The following BARX2 variants were observed in gnomAD, a reference collection of about 807,000 sequenced individuals.
The protein encoded by BARX2 is homeobox protein BarH-like 2.
In BARX2, 11 loss-of-function variants were observed where a neutral mutation model predicts 25.5. The observed-to-expected ratio is 0.43, with a 90% CI of 0.27 to 0.71. The LOEUF (loss-of-function observed/expected upper bound fraction) is 0.71, where lower values mean the gene tolerates loss of function less well. Ranked by LOEUF, BARX2 falls within the 30% of genes least tolerant of loss-of-function variation. The pLI, the probability that BARX2 is intolerant of heterozygous loss-of-function variation, is 0.19. For synonymous variants in BARX2, 137 were observed against 149.5 expected, an observed-to-expected ratio of 0.92 and a Z score of 0.61; for missense variants, 360 against 359.9, an observed-to-expected ratio of 1.00 and a Z score of 0.00.
chr11:129,420,523 T>C (rs894797025), intron 1 of BARX2, among the ~76,000 whole-genome samples: 6 of 152,202 alleles, frequency 3.9e-5, no homozygotes, highest in Admixed American at 2.6e-4. Context: ...AAAAATAATC[T>C]CTCTTCTGTT....
chr11:129,417,024 C>T (rs1286843282), intron 1 of BARX2, among the ~76,000 whole-genome samples: 2 of 151,958 alleles, frequency 1.3e-5, no homozygotes, highest in East Asian at 1.9e-4. Context: ...GCCTCAGCCT[C>T]CCCAGTAGCT....
chr11:129,396,280 T>C (rs1303457293), intron 1 of BARX2, among the ~76,000 whole-genome samples: 1 of 152,160 alleles, frequency 6.6e-6, no homozygotes, highest in East Asian at 1.9e-4. Context: ...CTTCTCTTAC[T>C]TGATGTAGGT....
chr11:129,380,212 C>T (rs1306802049), intron 1 of BARX2, among the ~76,000 whole-genome samples: 1 of 152,070 alleles, frequency 6.6e-6, no homozygotes, highest in Non-Finnish European at 1.5e-5. Flanking sequence ...ACCCAGGGGA[C>T]AGTCAACCAG....
intron 1 of BARX2, among the ~76,000 whole-genome samples, chr11:129,392,902 C>T (rs533831110): frequency 1.1e-3 from 166 of 152,186 alleles, no homozygotes; most frequent in African/African-American, 3.7e-3. Flanking sequence ...TGAGCCACTG[C>T]GCCCGGCTAA....
intron 1 of BARX2, among the ~76,000 whole-genome samples, chr11:129,384,429 G>C (rs1398522243): frequency 1.3e-5 from 2 of 152,092 alleles, no homozygotes; most frequent in Non-Finnish European, 2.9e-5. Flanking sequence ...TTGATAACCT[G>C]CCAACCTCCA....
intron 1 of BARX2, among the ~76,000 whole-genome samples, chr11:129,432,773 A>C (rs1862143456): frequency 6.6e-6 from 1 of 152,204 alleles, no homozygotes; most frequent in Non-Finnish European, 1.5e-5. Flanking sequence ...CTTTTTAAAA[A>C]ATTTTAAAAA....
Position 129,432,658 on chromosome 11 carries a change from C to T in BARX2, c.188-4093C>T, listed in dbSNP as rs189583384. On this transcript the variant is annotated intron_variant, in intron 1 of 3. Coordinates refer to ENST00000281437, the MANE Select transcript of BARX2 (RefSeq NM_003658.5). Reference sequence around the variant, plus strand: ...GCTTTTAGAAGAAGTTTTAACCACTCCTTGGGATCAAGGGTCAATGAAAGA... The same window carrying T: ...GCTTTTAGAAGAAGTTTTAACCACTTCTTGGGATCAAGGGTCAATGAAAGA... Among the ~76,000 whole-genome samples, 16 of 152,264 alleles carry T rather than the reference C, an allele frequency of 1.1e-4. No homozygotes were observed. In the East Asian group the frequency reaches 2.9e-3, roughly 28 times the overall value.
intron 1 of BARX2, among the ~76,000 whole-genome samples, chr11:129,408,020 C>CA (rs59310534): frequency 0.24 from 11,289 of 46,394 alleles, 2,202 homozygotes; most frequent in East Asian, 0.33. Context: ...GACTCCGTCT[C>CA]AAAAAAAAAA....
intron 1 of BARX2, among the ~76,000 whole-genome samples, chr11:129,427,749 C>T (rs1425706023): frequency 6.6e-6 from 1 of 152,130 alleles, no homozygotes; most frequent in Non-Finnish European, 1.5e-5. Flanking sequence ...GCTGTAGCTG[C>T]GGGGACCTGG....
intron 1 of BARX2, among the ~76,000 whole-genome samples, chr11:129,386,226 T>C (rs1036316861): frequency 2.0e-5 from 3 of 152,236 alleles, no homozygotes; most frequent in African/African-American, 7.2e-5. Context: ...TTCTGCTTCT[T>C]CTTACTGATG....
intron 1 of BARX2, among the ~76,000 whole-genome samples, chr11:129,413,969 G>A (rs1365525380): frequency 6.6e-6 from 1 of 152,024 alleles, no homozygotes; most frequent in Non-Finnish European, 1.5e-5. Flanking sequence ...GGGAGGCTGA[G>A]GCAGGAGAAT....
At chr11:129,399,387 G>GTC (rs148566721) in intron 1 of BARX2, among the ~76,000 whole-genome samples, 30 of 151,502 alleles carry the variant, frequency 2.0e-4, no homozygotes, top group African/African-American at 6.0e-4. Context: ...CTACCTCTCT[G>GTC]TCTCTCTCTC....
intron 1 of BARX2, among the ~76,000 whole-genome samples, chr11:129,387,013 G>A (rs901393775): frequency 2.0e-5 from 3 of 152,224 alleles, no homozygotes; most frequent in Admixed American, 6.5e-5. Flanking sequence ...CAAACTGGAC[G>A]TGATGGAAAG....
At chr11:129,381,885 C>T (rs1174484651) in intron 1 of BARX2, among the ~76,000 whole-genome samples, 1 of 152,138 alleles carries the variant, frequency 6.6e-6, no homozygotes, top group Non-Finnish European at 1.5e-5. Context: ...CACAGCATTC[C>T]TCCGAAGGGC....
intron 1 of BARX2, among the ~76,000 whole-genome samples, chr11:129,410,516 T>G (rs975594335): frequency 2.0e-5 from 3 of 151,676 alleles, no homozygotes; most frequent in Non-Finnish European, 4.4e-5. Flanking sequence ...TTGGGCCGTC[T>G]CTTTATCTGC....
At chr11:129,446,678 C>T (rs1434456803) in intron 3 of BARX2, among the ~76,000 whole-genome samples, 1 of 152,164 alleles carries the variant, frequency 6.6e-6, no homozygotes, top group Non-Finnish European at 1.5e-5. Context: ...TCCGCACAGC[C>T]CTGAGCATTT....
At chr11:129,394,935 ATTT>A (rs33959182) in intron 1 of BARX2, among the ~76,000 whole-genome samples, 4 of 144,810 alleles carry the variant, frequency 2.8e-5, no homozygotes, top group African/African-American at 2.5e-5. Context: ...TCCACTCAGC[ATTT>A]TTTTTTTTTT....
chr11:129,447,011 G>A (rs1300687646), intron 3 of BARX2, among the ~76,000 whole-genome samples: 1 of 152,156 alleles, frequency 6.6e-6, no homozygotes, highest in East Asian at 1.9e-4. Context: ...ATAACCAGAC[G>A]TAGAACAGTG....
At chr11:129,397,614 C>A (rs1227583221) in intron 1 of BARX2, among the ~76,000 whole-genome samples, 1 of 152,210 alleles carries the variant, frequency 6.6e-6, no homozygotes, top group Non-Finnish European at 1.5e-5. Flanking sequence ...ACCATTTACG[C>A]ACCAGGCGCT....
Sources: gnomAD v4.1 joint callset for allele counts (sites outside exome capture counted in the v4.1 genomes callset) on GRCh38, gnomAD v4.1.1 for gene constraint, MANE v1.5 for transcripts, NCBI Gene and HGNC (gene_info 2026-07-23, HGNC 2026-07-21) for gene names.